The following APBA1 variants were observed in gnomAD, a reference collection of about 807,000 sequenced individuals.
APBA1 encodes amyloid beta precursor protein binding family A member 1.
APBA1 carries 55 observed loss-of-function variants against 86.6 expected under a neutral mutation model. The ratio of observed to expected loss-of-function variants is 0.64; its 90% CI spans 0.51 to 0.80. The LOEUF (loss-of-function observed/expected upper bound fraction) is 0.80, where lower values mean the gene tolerates loss of function less well. APBA1 is among the 30% of genes least tolerant of loss of function. The probability of loss-of-function intolerance (pLI) is 0.00; values close to 1 mark genes in which losing one functional copy is unlikely to be tolerated. For missense variants in APBA1, 1,090 were observed against 1,183.0 expected, an observed-to-expected ratio of 0.92 and a Z score of 1.15; for synonymous variants, 511 against 493.9, an observed-to-expected ratio of 1.03 and a Z score of -0.46.
At chr9:69,653,725 G>A (rs372850449) in intron 1 of APBA1, among the ~76,000 whole-genome samples, 112 of 152,268 alleles carry the variant, frequency 7.4e-4, no homozygotes, top group African/African-American at 2.6e-3. Context: ...ATGAAGAAAC[G>A]TAAATAGAAA....
chr9:69,530,109 G>T (rs940096718), intron 1 of APBA1, among the ~76,000 whole-genome samples: 1 of 151,770 alleles, frequency 6.6e-6, no homozygotes, highest in East Asian at 1.9e-4. Context: ...AGTTCTCAAA[G>T]AACTAAAAAT....
At chr9:69,483,467 T>C (rs1835556353) in intron 2 of APBA1, among the ~76,000 whole-genome samples, 2 of 151,992 alleles carry the variant, frequency 1.3e-5, no homozygotes, top group South Asian at 4.2e-4. Flanking sequence ...GCAATGGTGC[T>C]GGTGTTGGGG....
At chr9:69,432,328 T>C (rs1430478543) in intron 12 of APBA1, among the ~76,000 whole-genome samples, 1 of 152,216 alleles carries the variant, frequency 6.6e-6, no homozygotes, top group African/African-American at 2.4e-5. Flanking sequence ...GAGGGTGATC[T>C]GATTCCATTT....
intron 6 of APBA1, 152 bp from the exon 7 acceptor site, chr9:69,457,291 C>T: frequency 1.6e-6 from 1 of 618,250 alleles, no homozygotes; most frequent in Non-Finnish European, 2.9e-6. Context: ...GCTGAAGTTA[C>T]CACACAGAGG....
chr9:69,431,254 A>C lies in APBA1; in HGVS notation c.*73T>G. 1.6e-6 allele frequency: 2 copies of C among 1,229,570 alleles called. No individual in the cohort carries two copies. The highest frequency in any genetic ancestry group is 2.3e-6 in the Non-Finnish European group (2 of 886,692). 76.2% of individuals were successfully genotyped at this position (1,229,570 alleles called of 1,614,324 possible). A position where few individuals can be genotyped will look rare whatever the true frequency, so the allele number is the denominator to read the frequency against. ...GCGAGAGGGGAAAGTCTCAGTGGAC[A>C]CAGGGATGCAGCACGAGAAACACAA... On this transcript the variant is annotated 3_prime_UTR_variant, in exon 13 of 13. Coordinates refer to ENST00000265381, the MANE Select transcript of APBA1 (RefSeq NM_001163.4).
At chr9:69,459,952 A>G (rs1015475906) in intron 5 of APBA1, among the ~76,000 whole-genome samples, 3 of 152,230 alleles carry the variant, frequency 2.0e-5, no homozygotes, top group African/African-American at 7.2e-5. Flanking sequence ...ATTTATACAG[A>G]TCTTGTACAA....
rs190782657 is a variant in APBA1, at chr9:69,665,606, G to A, written c.-70+6547C>T. Among the ~76,000 whole-genome samples, 468 of 152,222 alleles carry A rather than the reference G, an allele frequency of 3.1e-3. 4 individuals are homozygous for A. Among genetic ancestry groups the A allele is most frequent in the Middle Eastern group, 0.01 (3 of 294 alleles). On this transcript the variant is annotated intron_variant, in intron 1 of 12. Coordinates refer to ENST00000265381, the MANE Select transcript of APBA1 (RefSeq NM_001163.4). ...TCTGTGTTATAGAGTATACCCAGAT[G>A]AACAAAACAAAGTTCTAGCCTCAAG...
chr9:69,486,589 T>A lies in APBA1; in HGVS notation c.1201-10446A>T, dbSNP rs187303437. Among the ~76,000 whole-genome samples, 184 of 152,046 alleles carry A rather than the reference T, an allele frequency of 1.2e-3. 2 individuals are homozygous for A. Among genetic ancestry groups the A allele is most frequent in the African/African-American group, 4.3e-3 (179 of 41,482 alleles). ...TCAGTTCTGCAGGAGGGGAGGGGTG[T>A]GCATCAGGCAATGCTTTGTGGGGGA... is the stretch of plus-strand genomic sequence containing the variant. On this transcript the variant is annotated intron_variant, in intron 2 of 12. Coordinates refer to ENST00000265381, the MANE Select transcript of APBA1 (RefSeq NM_001163.4).
In APBA1 at chr9:69,458,100, A is replaced by G; in HGVS notation, c.1515+56T>C. On this transcript the variant is annotated intron_variant, in intron 6 of 12. Coordinates refer to ENST00000265381, the MANE Select transcript of APBA1 (RefSeq NM_001163.4). ...ACGAAAATATAAAAAGGTAAAACAG[A>G]AACGAATGAAAAGAACAGGCATAAC... The G allele has an allele frequency of 9.3e-6, 14 of 1,505,528 alleles. No homozygotes were observed. The South Asian group carries it at 1.8e-4, about 19-fold the overall frequency. 93.3% of individuals were successfully genotyped at this position (1,505,528 alleles called of 1,614,324 possible).
Position 69,493,810 on chromosome 9 carries a change from T to G in APBA1, c.1201-17667A>C, listed in dbSNP as rs372271386. Among the ~76,000 whole-genome samples, 29 of 152,248 alleles carry G rather than the reference T, an allele frequency of 1.9e-4. 1 individual carries two copies. In the South Asian group the frequency reaches 6.0e-3, roughly 32 times the overall value. On this transcript the variant is annotated intron_variant, in intron 2 of 12. Coordinates refer to ENST00000265381, the MANE Select transcript of APBA1 (RefSeq NM_001163.4). Reference sequence around the variant, plus strand: ...GGGTCTGAACACACGCAGCATTACTTCTCAAGGTCCACTGTCCTCAAATAG... The same window carrying G: ...GGGTCTGAACACACGCAGCATTACTGCTCAAGGTCCACTGTCCTCAAATAG...
At chr9:69,432,819 G>T in intron 11 of APBA1, 143 bp from the exon 12 acceptor site, 1 of 846,008 alleles carries the variant, frequency 1.2e-6, no homozygotes, top group Non-Finnish European at 1.6e-6. Flanking sequence ...AACTCTCTTA[G>T]TGTCTTTTCA....
intron 1 of APBA1, among the ~76,000 whole-genome samples, chr9:69,531,588 C>T (rs150826424): frequency 1.5e-4 from 23 of 152,302 alleles, no homozygotes; most frequent in Middle Eastern, 3.4e-3. Flanking sequence ...ATGTGTCCCA[C>T]AGACAATCCT....
At chr9:69,483,665 T>C (rs949522318) in intron 2 of APBA1, among the ~76,000 whole-genome samples, 3 of 152,188 alleles carry the variant, frequency 2.0e-5, no homozygotes, top group Non-Finnish European at 4.4e-5. Flanking sequence ...CCTAATGCTG[T>C]GAGGCTTGAA....
chr9:69,558,185 A>G (rs1836891478), intron 1 of APBA1, among the ~76,000 whole-genome samples: 1 of 152,100 alleles, frequency 6.6e-6, no homozygotes, highest in Admixed American at 6.6e-5. Flanking sequence ...ATTGGCTCTC[A>G]ATTTTTAAAC....
At chr9:69,533,638 A>G (rs1166026836) in intron 1 of APBA1, among the ~76,000 whole-genome samples, 1 of 150,758 alleles carries the variant, frequency 6.6e-6, no homozygotes, top group Non-Finnish European at 1.5e-5. Context: ...CTGTTCACAA[A>G]TTGCAGGGGT....
intron 1 of APBA1, among the ~76,000 whole-genome samples, chr9:69,607,343 T>C (rs985128218): frequency 4.6e-5 from 7 of 152,166 alleles, no homozygotes; most frequent in Non-Finnish European, 1.0e-4. Flanking sequence ...TTGTGAGACT[T>C]ATTCACTATC....
Position 69,606,611 on chromosome 9 carries a change from C to A in APBA1, c.-70+65542G>T, listed in dbSNP as rs1303340765. 2.0e-5 allele frequency among the ~76,000 whole-genome samples: 3 copies of A among 150,980 alleles called. No individual in the cohort carries two copies. The Admixed American group carries it at 2.0e-4, about 10-fold the overall frequency. On this transcript the variant is annotated intron_variant, in intron 1 of 12. Transcript: ENST00000265381. ...GGTTCACACCATTCTCCTGCCTCAG[C>A]CTCCCGAGTAGCTGGGACTACAGGC...
chr9:69,582,367 G>GCGGGA (rs1245774142), intron 1 of APBA1, among the ~76,000 whole-genome samples: 2 of 152,136 alleles, frequency 1.3e-5, no homozygotes, highest in African/African-American at 4.8e-5. Context: ...TGCTTCTACT[G>GCGGGA]CGGGACGGGT....
intron 8 of APBA1, 133 bp from the exon 9 acceptor site, chr9:69,452,434 G>C: frequency 1.3e-6 from 1 of 788,476 alleles, no homozygotes. Context: ...TGCTGGGCCA[G>C]TGGTTCTACG....
Sources: gnomAD v4.1 joint callset for allele counts (sites outside exome capture counted in the v4.1 genomes callset) on GRCh38, gnomAD v4.1.1 for gene constraint, MANE v1.5 for transcripts, NCBI Gene and HGNC (gene_info 2026-07-23, HGNC 2026-07-21) for gene names.